Variants in SH3KBP1 observed in about 807,000 individuals in gnomAD.
The protein encoded by SH3KBP1 is SH3 domain containing kinase binding protein 1.
A neutral mutation model predicts 50.1 loss-of-function variants in SH3KBP1; 8 were observed. That is an observed-to-expected ratio of 0.16 (90% CI 0.09 to 0.29). SH3KBP1 has a LOEUF of 0.29. SH3KBP1 is among the 10% of genes least tolerant of loss of function. The pLI, the probability that SH3KBP1 is intolerant of heterozygous loss-of-function variation, is 1.00. For synonymous variants in SH3KBP1, 227 were observed against 218.6 expected (o/e 1.04, Z -0.34); for missense variants, 377 against 535.2 (o/e 0.70, Z 2.92).
chrX:19,715,918 C>T (rs757558000), intron 3 of SH3KBP1, among the ~76,000 whole-genome samples: 1 of 110,703 alleles, frequency 9.0e-6, no homozygotes, highest in South Asian at 3.8e-4. Flanking sequence ...TGCTAGGTGC[C>T]AGGGGCTCAG....
intron 2 of SH3KBP1, among the ~76,000 whole-genome samples, chrX:19,761,401 T>G (rs1242689559): frequency 5.8e-3 from 394 of 68,384 alleles, no homozygotes; most frequent in Middle Eastern, 0.011. Flanking sequence ...GAGAGGGAGA[T>G]GGGGAGAGAG....
chrX:19,588,227 G>C, intron 12 of SH3KBP1: 1 of 645,899 alleles, frequency 1.5e-6, no homozygotes, highest in Non-Finnish European at 2.2e-6. Flanking sequence ...CTGCAGAGCA[G>C]TGAGGGTCAG....
intron 5 of SH3KBP1, among the ~76,000 whole-genome samples, chrX:19,692,880 G>C (rs1240635921): frequency 8.4e-5 from 9 of 107,738 alleles, no homozygotes. Context: ...GTAGAGACAG[G>C]GTTTCACCAT....
chrX:19,680,518 G>A (rs747338086), intron 6 of SH3KBP1, among the ~76,000 whole-genome samples: 79 of 110,650 alleles, frequency 7.1e-4, no homozygotes, highest in Middle Eastern at 4.6e-3. Context: ...GCCAACTGTC[G>A]CAGCCTGAGC....
chrX:19,783,301 G>A (rs2066240835), intron 2 of SH3KBP1, among the ~76,000 whole-genome samples: 2 of 112,001 alleles, frequency 1.8e-5, no homozygotes, highest in South Asian at 3.7e-4. Context: ...ACATATTTAT[G>A]GGGTACATGT....
intron 8 of SH3KBP1, among the ~76,000 whole-genome samples, chrX:19,611,085 C>T (rs941073979): frequency 9.1e-6 from 1 of 110,381 alleles, no homozygotes; most frequent in African/African-American, 3.3e-5. Flanking sequence ...GGGGTTTCGC[C>T]GTGCTGCCCA....
At chrX:19,886,979 C>A (rs1276113509) in intron 1 of SH3KBP1, among the ~76,000 whole-genome samples, 1 of 110,400 alleles carries the variant, frequency 9.1e-6, no homozygotes, top group Non-Finnish European at 1.9e-5. Flanking sequence ...CGCTCGGGTG[C>A]AAAAATGGCC....
At chrX:19,627,389 G>A (rs1365170240) in intron 8 of SH3KBP1, among the ~76,000 whole-genome samples, 1 of 112,469 alleles carries the variant, frequency 8.9e-6, no homozygotes, top group Non-Finnish European at 1.9e-5. Flanking sequence ...CAGTTGGGAT[G>A]AGACCCAGAA....
intron 3 of SH3KBP1, among the ~76,000 whole-genome samples, chrX:19,725,314 A>T (rs2064187238): frequency 3.0e-5 from 3 of 101,144 alleles, no homozygotes; most frequent in Admixed American, 1.1e-4. Flanking sequence ...AAAAAAAAAT[A>T]GATAAATTAG....
chrX:19,551,547 C>A (rs1301875581), intron 13 of SH3KBP1, among the ~76,000 whole-genome samples: 1 of 98,793 alleles, frequency 1.0e-5, no homozygotes, highest in African/African-American at 4.6e-5. Context: ...TCCCTCCCTC[C>A]CTCTTTTTTT....
intron 11 of SH3KBP1, among the ~76,000 whole-genome samples, chrX:19,591,294 G>A (rs747703986): frequency 9.0e-5 from 10 of 111,672 alleles, no homozygotes; most frequent in Non-Finnish European, 1.3e-4. Context: ...CCTCCTGTTC[G>A]TAATAACATA....
At chrX:19,578,262 C>T (rs952955679) in intron 12 of SH3KBP1, among the ~76,000 whole-genome samples, 1 of 111,838 alleles carries the variant, frequency 8.9e-6, no homozygotes, top group Non-Finnish European at 1.9e-5. Flanking sequence ...ACCTGAGAAC[C>T]TATCTTCTTT....
In SH3KBP1 at chrX:19,760,048, CTCT is replaced by C. The variant is rs2065357705; in HGVS notation, c.163-13610_163-13608del. 1.3e-4 allele frequency among the ~76,000 whole-genome samples: 9 copies of C among 71,822 alleles called. 1 individual carries two copies. The highest frequency in any genetic ancestry group is 4.9e-4 in the African/African-American group (9 of 18,458). 62.4% of individuals were successfully genotyped at this position (71,822 alleles called of 115,157 possible). On this transcript the variant is annotated intron_variant, in intron 2 of 17. Coordinates refer to ENST00000397821, the MANE Select transcript of SH3KBP1 (RefSeq NM_031892.3). The stretch of plus-strand genomic sequence containing the variant: ...CCTCTCTCTCTCTCTCTCCCTCTCT[CTCT>C]CTCTCTCTCTCTCTCTCTCTCTCTC...
intron 6 of SH3KBP1, among the ~76,000 whole-genome samples, chrX:19,650,943 C>G (rs2062108297): frequency 8.9e-6 from 1 of 112,023 alleles, no homozygotes; most frequent in African/African-American, 3.2e-5. Flanking sequence ...GGAGGAGGGT[C>G]AAAACAGTTA....
At chrX:19,543,856 A>G (rs1005300218) in intron 15 of SH3KBP1, among the ~76,000 whole-genome samples, 5 of 111,407 alleles carry the variant, frequency 4.5e-5, no homozygotes, top group Non-Finnish European at 9.4e-5. Context: ...AGGGGTGCCC[A>G]GTAGGCCCCT....
chrX:19,674,905 C>A (rs1409262696), intron 6 of SH3KBP1, among the ~76,000 whole-genome samples: 1 of 109,972 alleles, frequency 9.1e-6, no homozygotes, highest in Non-Finnish European at 1.9e-5. Flanking sequence ...ATGGTGAAAC[C>A]CCGTCTCTAC....
intron 4 of SH3KBP1, among the ~76,000 whole-genome samples, chrX:19,705,122 T>C (rs755272696): frequency 8.9e-6 from 1 of 112,551 alleles, no homozygotes; most frequent in African/African-American, 3.2e-5. Flanking sequence ...CATTATTGTC[T>C]TAATTTGTAT....
chrX:19,706,872 G>T lies in SH3KBP1; in HGVS notation c.390+9C>A, dbSNP rs773159160. On this transcript the variant is annotated intron_variant, in intron 4 of 17. Transcript: ENST00000397821. ...CGAGGCCATTGCACTGCCCGGCCAGGTCGCTTACCTCTCCTACCACCTCTA... is the reference window on the plus strand; with the variant it reads ...CGAGGCCATTGCACTGCCCGGCCAGTTCGCTTACCTCTCCTACCACCTCTA... The T allele has an allele frequency of 8.4e-7, 1 of 1,195,382 alleles. No individual in the cohort carries two copies. Among genetic ancestry groups the T allele is most frequent in the South Asian group, 1.8e-5 (1 of 56,438 alleles).
intron 6 of SH3KBP1, among the ~76,000 whole-genome samples, chrX:19,678,861 T>C (rs2062986813): frequency 9.0e-6 from 1 of 111,664 alleles, no homozygotes; most frequent in Admixed American, 9.5e-5. Flanking sequence ...TTAAAACACT[T>C]TGATAGTTTC....
Sources: gnomAD v4.1 joint callset for allele counts (sites outside exome capture counted in the v4.1 genomes callset) on GRCh38, gnomAD v4.1.1 for gene constraint, MANE v1.5 for transcripts, NCBI Gene and HGNC (gene_info 2026-07-23, HGNC 2026-07-21) for gene names.